Variants in ENAH observed in about 807,000 individuals in gnomAD.
ENAH encodes ENAH actin regulator, also known as protein enabled homolog.
ENAH carries 23 observed loss-of-function variants against 78.7 expected under a neutral mutation model. The observed-to-expected ratio is 0.29, with a 90% CI of 0.21 to 0.41. The LOEUF is 0.41. Among genes scored for constraint, ENAH ranks in the 10% least tolerant of loss-of-function variants. The pLI is 1.00. For missense variants in ENAH, 544 were observed against 691.0 expected (o/e 0.79, Z 2.39); for synonymous variants, 226 against 241.0 (o/e 0.94, Z 0.58).
chr1:225,618,055 A>G (rs566515958), intron 1 of ENAH, among the ~76,000 whole-genome samples: 24 of 152,226 alleles, frequency 1.6e-4, no homozygotes, highest in Non-Finnish European at 3.2e-4. Context: ...AACTGGAATG[A>G]GCAGGAAAAC....
intron 3 of ENAH, among the ~76,000 whole-genome samples, chr1:225,542,509 C>G (rs1381523498): frequency 6.6e-6 from 1 of 152,236 alleles, no homozygotes; most frequent in African/African-American, 2.4e-5. Context: ...CCCTTGCCTT[C>G]TCTATCTCTC....
intron 1 of ENAH, among the ~76,000 whole-genome samples, chr1:225,570,623 ATTTTTTAATGT>A (rs1414798244): frequency 1.3e-5 from 2 of 151,858 alleles, no homozygotes; most frequent in Non-Finnish European, 2.9e-5. Flanking sequence ...CCTTCTTGTG[ATTTTTTAATGT>A]TTTTTTAAAT....
chr1:225,636,913 G>C (rs1455296862), intron 1 of ENAH, among the ~76,000 whole-genome samples: 1 of 152,092 alleles, frequency 6.6e-6, no homozygotes, highest in African/African-American at 2.4e-5. Flanking sequence ...ACTCAGCCTG[G>C]AACAATCACT....
At chr1:225,572,469 A>G (rs763671862) in intron 1 of ENAH, among the ~76,000 whole-genome samples, 2 of 152,242 alleles carry the variant, frequency 1.3e-5, no homozygotes, top group Non-Finnish European at 2.9e-5. Flanking sequence ...AAATCATTAA[A>G]TGCAATAACT....
At chr1:225,638,928 C>T (rs1312143896) in intron 1 of ENAH, among the ~76,000 whole-genome samples, 1 of 152,230 alleles carries the variant, frequency 6.6e-6, no homozygotes, top group South Asian at 2.1e-4. Flanking sequence ...CAAAAATATC[C>T]GCTAATGAAC....
rs549763361 is a variant in ENAH, at chr1:225,539,015, T to C, written c.350-8377A>G. The stretch of plus-strand genomic sequence containing the variant: ...TACCATTTGTTACTAAGGGCATTAT[T>C]GAGTATATGCTCAGAGAAACCACCA... On this transcript the variant is annotated intron_variant, in intron 3 of 13. Coordinates refer to ENST00000366843, the MANE Select transcript of ENAH (RefSeq NM_018212.6). Among the ~76,000 whole-genome samples, 7 of 152,336 alleles carry C rather than the reference T, an allele frequency of 4.6e-5. No individual in the cohort carries two copies. The South Asian group carries it at 1.5e-3, about 32-fold the overall frequency.
chr1:225,621,860 C>T (rs1342059197), intron 1 of ENAH, among the ~76,000 whole-genome samples: 1 of 152,192 alleles, frequency 6.6e-6, no homozygotes, highest in Non-Finnish European at 1.5e-5. Context: ...CAAAGCTCTA[C>T]TCAGTCCTTG....
chr1:225,652,909 G>C lies in ENAH; in HGVS notation c.-219C>G. 1 of 394,344 alleles carries C rather than the reference G, an allele frequency of 2.5e-6. No homozygotes were observed. Among genetic ancestry groups the C allele is most frequent in the Non-Finnish European group, 4.5e-6 (1 of 224,244 alleles). 24.4% of individuals were successfully genotyped at this position (394,344 alleles called of 1,614,324 possible). A position where few individuals can be genotyped will look rare whatever the true frequency, so the allele number is the denominator to read the frequency against. ...GAGGGCGAGAGAAAGGCTGGGGAGG[G>C]GGCGGAGAGGCCGAGGCGCGGAGCT... On this transcript the variant is annotated 5_prime_UTR_variant, in exon 1 of 14. Transcript: ENST00000366843.
At chr1:225,505,612 G>T (rs569890206) in intron 11 of ENAH, among the ~76,000 whole-genome samples, 1 of 103,944 alleles carries the variant, frequency 9.6e-6, no homozygotes, top group South Asian at 2.9e-4. Context: ...TCACTACAAT[G>T]CAAGGATAAG....
chr1:225,549,814 C>T (rs1370327479), intron 3 of ENAH, among the ~76,000 whole-genome samples: 1 of 152,104 alleles, frequency 6.6e-6, no homozygotes, highest in East Asian at 1.9e-4. Context: ...AGCTGGTCAC[C>T]TCCTCTTCAT....
In ENAH at chr1:225,595,687, A is replaced by G. The variant is rs371185714; in HGVS notation, c.6-28273T>C. 7.3e-4 allele frequency among the ~76,000 whole-genome samples: 111 copies of G among 152,356 alleles called. 1 individual carries two copies. The highest frequency in any genetic ancestry group is 2.5e-3 in the African/African-American group (104 of 41,594). Reference sequence around the variant, plus strand: ...GATCCTACTGCTCCAAGTAATTCACATACATCTCCAAGCAACAGCTGTGTA... The same window carrying G: ...GATCCTACTGCTCCAAGTAATTCACGTACATCTCCAAGCAACAGCTGTGTA... On this transcript the variant is annotated intron_variant, in intron 1 of 13. Coordinates refer to ENST00000366843, the MANE Select transcript of ENAH (RefSeq NM_018212.6).
chr1:225,505,775 G>A (rs989824928), intron 11 of ENAH, among the ~76,000 whole-genome samples: 1 of 152,098 alleles, frequency 6.6e-6, no homozygotes, highest in Admixed American at 6.6e-5. Flanking sequence ...TCAGTAGTTG[G>A]ATCAAATCTA....
chr1:225,512,988 C>A lies in ENAH; in HGVS notation c.1247G>T (p.Gly416Val), dbSNP rs745522076. The A allele has an allele frequency of 3.1e-6, 5 of 1,613,176 alleles. No homozygotes were observed. The highest frequency in any genetic ancestry group is 4.2e-6 in the Non-Finnish European group (5 of 1,179,646). The change falls in exon 8 of 14, where the codon GGG (glycine) becomes GTG (valine). Residue 416 changes from glycine to valine, a missense_variant. Coordinates refer to ENST00000366843, the MANE Select transcript of ENAH (RefSeq NM_018212.6). ...RMEDTSFPSG[G>V]NAIGVNSASS... ...GGCGGAGTTCACACCAATAGCATTC[C>A]CTCCACTTGGGAAAGAGGTATCCTC...
intron 3 of ENAH, among the ~76,000 whole-genome samples, chr1:225,545,029 A>G (rs544814301): frequency 6.6e-6 from 1 of 152,334 alleles, no homozygotes; most frequent in Non-Finnish European, 1.5e-5. Context: ...AGATGATAAC[A>G]GCAATTAGGA....
intron 1 of ENAH, among the ~76,000 whole-genome samples, chr1:225,619,467 C>T (rs1468382347): frequency 1.3e-5 from 2 of 152,164 alleles, no homozygotes; most frequent in Non-Finnish European, 2.9e-5. Flanking sequence ...TCACTTGAAC[C>T]TGAGAGGCAG....
intron 1 of ENAH, among the ~76,000 whole-genome samples, chr1:225,615,889 A>AG (rs1362499351): frequency 6.6e-6 from 1 of 152,180 alleles, no homozygotes; most frequent in Non-Finnish European, 1.5e-5. Context: ...GAATAGAAAA[A>AG]GGGGGAAATG....
At chr1:225,594,133 C>T (rs191252215) in intron 1 of ENAH, among the ~76,000 whole-genome samples, 1 of 152,162 alleles carries the variant, frequency 6.6e-6, no homozygotes, top group East Asian at 1.9e-4. Context: ...ATTCACATTG[C>T]TTCTCTGGAA....
intron 1 of ENAH, among the ~76,000 whole-genome samples, chr1:225,610,032 T>A (rs1381956514): frequency 1.3e-5 from 2 of 152,080 alleles, no homozygotes; most frequent in Non-Finnish European, 1.5e-5. Flanking sequence ...GTATACCACA[T>A]GATAAAAATT....
At chr1:225,594,774 A>C (rs1405218142) in intron 1 of ENAH, among the ~76,000 whole-genome samples, 3 of 152,250 alleles carry the variant, frequency 2.0e-5, no homozygotes, top group African/African-American at 7.2e-5. Flanking sequence ...TTCAATGAAA[A>C]TAATACGCAA....
Sources: gnomAD v4.1 joint callset for allele counts (sites outside exome capture counted in the v4.1 genomes callset) on GRCh38, gnomAD v4.1.1 for gene constraint, MANE v1.5 for transcripts, NCBI Gene and HGNC (gene_info 2026-07-23, HGNC 2026-07-21) for gene names.